PARD3: variants seen among roughly 807,000 people sequenced by gnomAD.
PARD3 encodes par-3 family cell polarity regulator, also known as partitioning defective 3 homolog.
PARD3 carries 75 observed loss-of-function variants against 155.4 expected under a neutral mutation model. The observed-to-expected ratio is 0.48, with a 90% CI of 0.40 to 0.58. PARD3 has a LOEUF of 0.58. PARD3 is among the 20% of genes least tolerant of loss of function. The pLI, the probability that PARD3 is intolerant of heterozygous loss-of-function variation, is 0.00. For missense variants in PARD3, 1,642 were observed against 1,721.7 expected, an observed-to-expected ratio of 0.95 and a Z score of 0.82; for synonymous variants, 576 against 610.5, an observed-to-expected ratio of 0.94 and a Z score of 0.83.
intron 22 of PARD3, among the ~76,000 whole-genome samples, chr10:34,240,619 G>A (rs1207319055): frequency 6.6e-6 from 1 of 152,026 alleles, no homozygotes; most frequent in Admixed American, 6.5e-5. Flanking sequence ...GGGATTTTTG[G>A]ATTTGGTGAA....
intron 2 of PARD3, among the ~76,000 whole-genome samples, chr10:34,618,775 C>T (rs1394756453): frequency 6.6e-6 from 1 of 152,190 alleles, no homozygotes; most frequent in Non-Finnish European, 1.5e-5. Context: ...TCCTGTCTGG[C>T]AGAGGCACTG....
At chr10:34,249,700 C>G (rs1249628029) in intron 22 of PARD3, among the ~76,000 whole-genome samples, 2 of 152,164 alleles carry the variant, frequency 1.3e-5, no homozygotes, top group Non-Finnish European at 2.9e-5. Context: ...GTCTCTGGCT[C>G]TGATCTGATC....
At chr10:34,512,187 C>A (rs1043320261) in intron 3 of PARD3, among the ~76,000 whole-genome samples, 1 of 152,160 alleles carries the variant, frequency 6.6e-6, no homozygotes, top group African/African-American at 2.4e-5. Context: ...AGCTGAAATA[C>A]TTACATAAAA....
At chr10:34,195,186 C>T (rs1950884111) in intron 22 of PARD3, among the ~76,000 whole-genome samples, 1 of 152,182 alleles carries the variant, frequency 6.6e-6, no homozygotes, top group South Asian at 2.1e-4. Context: ...AATGTTTATG[C>T]TTTCTTTAAT....
chr10:34,464,272 T>C (rs1455771285), intron 4 of PARD3, among the ~76,000 whole-genome samples: 2 of 152,128 alleles, frequency 1.3e-5, no homozygotes, highest in East Asian at 1.9e-4. Flanking sequence ...CACACCCATG[T>C]AGAACCTTTA....
At chr10:34,276,142 ACAAATT>A (rs1327640254) in intron 21 of PARD3, among the ~76,000 whole-genome samples, 1 of 152,166 alleles carries the variant, frequency 6.6e-6, no homozygotes, top group East Asian at 1.9e-4. Flanking sequence ...ACTTGAAAAA[ACAAATT>A]CAAACAATTA....
At chr10:34,540,700 G>A (rs1356240693) in intron 2 of PARD3, among the ~76,000 whole-genome samples, 4 of 152,158 alleles carry the variant, frequency 2.6e-5, no homozygotes, top group Non-Finnish European at 4.4e-5. Context: ...AAGATCACCT[G>A]AGCCTGGGAA....
chr10:34,194,280 T>G (rs1344901623), intron 22 of PARD3, among the ~76,000 whole-genome samples: 2 of 152,162 alleles, frequency 1.3e-5, no homozygotes, highest in Non-Finnish European at 1.5e-5. Context: ...TGAGAAACAG[T>G]TGAAAAGGCA....
rs193072089 is a variant in PARD3 at position 34,546,574 on chromosome 10, C to A, written c.223-29415G>T. Among the ~76,000 whole-genome samples the A allele has an allele frequency of 4.3e-3, 649 of 151,702 alleles. 2 individuals carry two copies. Among genetic ancestry groups the A allele is most frequent in the Non-Finnish European group, 5.9e-3 (401 of 67,928 alleles). ...TTTTTTGAGACCCGAGTCTCACTGTCACCCGGGCTGGCCTGGCAAATTTTA... is the reference window on the plus strand; with the variant it reads ...TTTTTTGAGACCCGAGTCTCACTGTAACCCGGGCTGGCCTGGCAAATTTTA... On this transcript the variant is annotated intron_variant, in intron 2 of 24. Transcript: ENST00000374788.
intron 22 of PARD3, among the ~76,000 whole-genome samples, chr10:34,197,403 G>A (rs1209798981): frequency 2.0e-5 from 3 of 152,044 alleles, no homozygotes; most frequent in Non-Finnish European, 4.4e-5. Context: ...AGGACTACAC[G>A]TTCTCCTCTC....
chr10:34,667,103 G>A (rs1416958449), intron 2 of PARD3, among the ~76,000 whole-genome samples: 1 of 152,100 alleles, frequency 6.6e-6, no homozygotes, highest in Non-Finnish European at 1.5e-5. Flanking sequence ...GGGAGGCGGA[G>A]GTTGCAGTGA....
At chr10:34,326,044 C>T (rs1227644171) in intron 19 of PARD3, among the ~76,000 whole-genome samples, 1 of 150,890 alleles carries the variant, frequency 6.6e-6, no homozygotes, top group African/African-American at 2.4e-5. Context: ...TTGCGTGAAC[C>T]AGGACCTGGG....
intron 2 of PARD3, among the ~76,000 whole-genome samples, chr10:34,676,282 T>A (rs1035514313): frequency 6.6e-6 from 1 of 152,214 alleles, no homozygotes; most frequent in Non-Finnish European, 1.5e-5. Flanking sequence ...GAAATTTATA[T>A]GGCTGCTTAA....
intron 16 of PARD3, among the ~76,000 whole-genome samples, chr10:34,339,747 T>C (rs1047253940): frequency 6.6e-6 from 1 of 152,246 alleles, no homozygotes; most frequent in African/African-American, 2.4e-5. Flanking sequence ...CAAATGAGTT[T>C]GTGCATTAGT....
Position 34,176,148 on chromosome 10 carries a change from T to C in PARD3, c.3420-44565A>G, listed in dbSNP as rs925979433. On this transcript the variant is annotated intron_variant, in intron 22 of 24. Coordinates refer to ENST00000374788, the MANE Select transcript of PARD3 (RefSeq NM_001184785.2). ...GTATAAAAAAAGGAGGCTATTATCA[T>C]GCCACTAAAATTACTAGGTTTTCTA... 6.6e-5 allele frequency among the ~76,000 whole-genome samples: 10 copies of C among 152,250 alleles called. No homozygotes were observed. The East Asian group carries it at 1.2e-3, about 18-fold the overall frequency.
chr10:34,623,970 AC>A (rs2091845351), intron 2 of PARD3, among the ~76,000 whole-genome samples: 1 of 142,038 alleles, frequency 7.0e-6, no homozygotes, highest in Admixed American at 7.1e-5. Context: ...ACAGAGCAAG[AC>A]TCCGTCTCAA....
At chr10:34,465,077 T>G (rs948645489) in intron 4 of PARD3, among the ~76,000 whole-genome samples, 4 of 152,178 alleles carry the variant, frequency 2.6e-5, no homozygotes, top group Non-Finnish European at 5.9e-5. Context: ...ACAAAGAAAA[T>G]GCTTTGTGTA....
chr10:34,772,198 G>A (rs1838970528), intron 1 of PARD3, among the ~76,000 whole-genome samples: 2 of 152,010 alleles, frequency 1.3e-5, no homozygotes, highest in South Asian at 4.1e-4. Context: ...TGAGGCGGGT[G>A]GATCACTTGA....
At chr10:34,143,626 C>T (rs1948315355) in intron 22 of PARD3, among the ~76,000 whole-genome samples, 1 of 152,090 alleles carries the variant, frequency 6.6e-6, no homozygotes, top group Admixed American at 6.5e-5. Context: ...CAATGCAGTA[C>T]TTAATTCCAA....
Sources: gnomAD v4.1 joint callset for allele counts (sites outside exome capture counted in the v4.1 genomes callset) on GRCh38, gnomAD v4.1.1 for gene constraint, MANE v1.5 for transcripts, NCBI Gene and HGNC (gene_info 2026-07-23, HGNC 2026-07-21) for gene names.